DMD: variants seen among roughly 807,000 people sequenced by gnomAD.
DMD encodes the protein mutant dystrophin.
DMD carries 63 observed loss-of-function variants against 330.1 expected under a neutral mutation model. The ratio of observed to expected loss-of-function variants is 0.19; its 90% CI spans 0.16 to 0.24. DMD has a LOEUF of 0.24. Among genes scored for constraint, DMD ranks in the 10% least tolerant of loss-of-function variants. The probability of loss-of-function intolerance (pLI) is 1.00; values close to 1 mark genes in which losing one functional copy is unlikely to be tolerated. For synonymous variants in DMD, 1,223 were observed against 959.8 expected, an observed-to-expected ratio of 1.27 and a Z score of -5.07; for missense variants, 3,344 against 2,684.1, an observed-to-expected ratio of 1.25 and a Z score of -5.43.
intron 30 of DMD, among the ~76,000 whole-genome samples, chrX:32,399,689 T>C (rs752369366): frequency 1.3e-4 from 14 of 111,486 alleles, no homozygotes; most frequent in African/African-American, 4.6e-4. Context: ...CTCAAAAAAC[T>C]GTAAACAGAG....
At chrX:32,989,222 C>T (rs2092919356) in intron 2 of DMD, among the ~76,000 whole-genome samples, 1 of 111,443 alleles carries the variant, frequency 9.0e-6, no homozygotes, top group Non-Finnish European at 1.9e-5. Context: ...TAGTTCAGAA[C>T]ATATGTCAAA....
At chrX:32,845,257 A>C (rs758153854) in intron 3 of DMD, among the ~76,000 whole-genome samples, 5 of 112,073 alleles carry the variant, frequency 4.5e-5, no homozygotes, top group Non-Finnish European at 9.4e-5. Flanking sequence ...GCAAAATTAT[A>C]TAATGCCAAA....
intron 4 of DMD, among the ~76,000 whole-genome samples, chrX:32,830,445 T>G (rs1417222546): frequency 1.8e-5 from 2 of 111,453 alleles, no homozygotes; most frequent in African/African-American, 6.5e-5. Context: ...ACAGAAAACA[T>G]TAATATGACA....
chrX:31,715,614 T>C (rs1211887366), intron 52 of DMD, among the ~76,000 whole-genome samples: 1 of 110,149 alleles, frequency 9.1e-6, no homozygotes, highest in Non-Finnish European at 1.9e-5. Flanking sequence ...AATCAGCAGA[T>C]CCTCCAAAAG....
At chrX:32,135,054 C>G (rs899485258) in intron 44 of DMD, among the ~76,000 whole-genome samples, 1 of 112,046 alleles carries the variant, frequency 8.9e-6, no homozygotes, top group African/African-American at 3.2e-5. Context: ...ACACATATCT[C>G]TTCATTCCTG....
chrX:33,105,532 C>T (rs925155837), intron 1 of DMD, among the ~76,000 whole-genome samples: 1 of 112,330 alleles, frequency 8.9e-6, no homozygotes, highest in Non-Finnish European at 1.9e-5. Flanking sequence ...CTGCATCTGA[C>T]AACTGACCAA....
At chrX:33,185,514 G>A (rs771842849) in intron 1 of DMD, among the ~76,000 whole-genome samples, 7 of 111,378 alleles carry the variant, frequency 6.3e-5, no homozygotes, top group Non-Finnish European at 9.4e-5. Context: ...TATTCCCTCC[G>A]TTAGAAATCT....
chrX:31,391,350 G>A (rs1332374633), intron 60 of DMD, among the ~76,000 whole-genome samples: 3 of 109,510 alleles, frequency 2.7e-5, no homozygotes, highest in African/African-American at 1.0e-4. Flanking sequence ...CAAGTGATCC[G>A]CCCGCCTCGG....
chrX:31,409,911 C>T (rs992030106), intron 60 of DMD, among the ~76,000 whole-genome samples: 3 of 111,804 alleles, frequency 2.7e-5, no homozygotes, highest in Admixed American at 9.5e-5. Context: ...CTCTGCCTTC[C>T]GGGTTCCAGA....
At chrX:32,168,553 A>C (rs1207202383) in intron 44 of DMD, among the ~76,000 whole-genome samples, 1 of 109,761 alleles carries the variant, frequency 9.1e-6, no homozygotes, top group Non-Finnish European at 1.9e-5. Context: ...AAAAAAAAAA[A>C]AAAAAACCAA....
intron 9 of DMD, among the ~76,000 whole-genome samples, chrX:32,665,649 C>A (rs1356001892): frequency 9.0e-6 from 1 of 110,892 alleles, no homozygotes; most frequent in Non-Finnish European, 1.9e-5. Context: ...TACAAGTAAG[C>A]AAAAAATATA....
At chrX:33,062,288 C>T (rs1227013755) in intron 1 of DMD, among the ~76,000 whole-genome samples, 1 of 111,363 alleles carries the variant, frequency 9.0e-6, no homozygotes, top group Non-Finnish European at 1.9e-5. Context: ...ATTCAAATGG[C>T]ACAACAGAAG....
intron 51 of DMD, among the ~76,000 whole-genome samples, chrX:31,761,037 C>G (rs2897066): frequency 0.14 from 14,222 of 104,521 alleles, 911 homozygotes; most frequent in East Asian, 0.25. Context: ...AGGCACCCAC[C>G]ACCACGCCTG....
At chrX:31,336,520 T>C (rs2057411957) in intron 61 of DMD, among the ~76,000 whole-genome samples, 1 of 112,561 alleles carries the variant, frequency 8.9e-6, no homozygotes, top group Non-Finnish European at 1.9e-5. Flanking sequence ...AAAAATACAC[T>C]TTTCAGAGCC....
intron 47 of DMD, among the ~76,000 whole-genome samples, chrX:31,878,294 T>C (rs2149693422): frequency 8.9e-6 from 1 of 111,982 alleles, no homozygotes; most frequent in South Asian, 3.7e-4. Flanking sequence ...TAACTTTCTA[T>C]TTACATTGCT....
chrX:33,314,294 G>T (rs1439933908), intron 1 of DMD, among the ~76,000 whole-genome samples: 1 of 109,845 alleles, frequency 9.1e-6, no homozygotes, highest in Non-Finnish European at 1.9e-5. Context: ...CAGTCACTCT[G>T]TCGCCCAGGC....
intron 59 of DMD, among the ~76,000 whole-genome samples, chrX:31,456,932 C>T (rs2066227425): frequency 9.4e-6 from 1 of 106,333 alleles, no homozygotes; most frequent in Non-Finnish European, 1.9e-5. Context: ...AGTCTCAACA[C>T]ACTCACAATC....
chrX:31,442,799 A>C (rs1288055449), intron 60 of DMD, among the ~76,000 whole-genome samples: 2 of 111,768 alleles, frequency 1.8e-5, no homozygotes, highest in Non-Finnish European at 3.8e-5. Context: ...ATAAAATTTT[A>C]ATAGTACTCA....
chrX:32,728,185 A>G, intron 7 of DMD, among the ~76,000 whole-genome samples: 1 of 111,262 alleles, frequency 9.0e-6, no homozygotes, highest in Non-Finnish European at 1.9e-5. Context: ...CTAGAAATAT[A>G]AAATTCAAAA....
Sources: gnomAD v4.1 joint callset for allele counts (sites outside exome capture counted in the v4.1 genomes callset) on GRCh38, gnomAD v4.1.1 for gene constraint, MANE v1.5 for transcripts, NCBI Gene and HGNC (gene_info 2026-07-23, HGNC 2026-07-21) for gene names.